Variants in ARAP2 observed in about 807,000 individuals in gnomAD.
ARAP2 encodes arf-GAP with Rho-GAP domain, ANK repeat and PH domain-containing protein 2.
A neutral mutation model predicts 194.5 loss-of-function variants in ARAP2; 148 were observed. The observed-to-expected ratio is 0.76, with a 90% CI of 0.67 to 0.87. The LOEUF (loss-of-function observed/expected upper bound fraction) is 0.87, where lower values mean the gene tolerates loss of function less well. Ranked by LOEUF, ARAP2 falls within the 40% of genes least tolerant of loss-of-function variation. The pLI is 0.00. For missense variants in ARAP2, 2,128 were observed against 1,989.7 expected, an observed-to-expected ratio of 1.07 and a Z score of -1.32; for synonymous variants, 695 against 683.5, an observed-to-expected ratio of 1.02 and a Z score of -0.26.
At chr4:36,222,724 A>AT (rs35821305) in intron 2 of ARAP2, among the ~76,000 whole-genome samples, 13 of 150,122 alleles carry the variant, frequency 8.7e-5, no homozygotes, top group East Asian at 1.9e-4. Context: ...CTATGGCAAG[A>AT]TTTTTTTTTT....
intron 27 of ARAP2, among the ~76,000 whole-genome samples, chr4:36,094,886 T>C (rs1714753806): frequency 6.6e-6 from 1 of 152,136 alleles, no homozygotes; most frequent in African/African-American, 2.4e-5. Context: ...GGCACACAGT[T>C]AAAGAGTGCT....
chr4:36,037,831 T>C (rs1183227170), intron 5 of ARAP2, among the ~76,000 whole-genome samples: 1 of 152,236 alleles, frequency 6.6e-6, no homozygotes, highest in Non-Finnish European at 1.5e-5. Flanking sequence ...TCAAGGTGAT[T>C]GTGAATCTCT....
intron 5 of ARAP2, among the ~76,000 whole-genome samples, chr4:36,028,466 A>G (rs1718316671): frequency 6.6e-6 from 1 of 151,888 alleles, no homozygotes; most frequent in African/African-American, 2.4e-5. Flanking sequence ...AGGCTTTCAC[A>G]TATATTTGTA....
In ARAP2 at chr4:36,010,240, T is replaced by C. The variant is rs145409113; in HGVS notation, n.1325+2323A>G. ...TATTGTATATGATATATAACTGATA[T>C]AGGTGAGCATTTTTAGAAAAAATAT... On this transcript the variant is annotated intron_variant and non_coding_transcript_variant, in intron 9 of 12. Transcript: ENST00000503225. Among the ~76,000 whole-genome samples, 481 of 151,494 alleles carry C rather than the reference T, an allele frequency of 3.2e-3. 20 individuals carry two copies. In the East Asian group the frequency reaches 0.084, roughly 27 times the overall value.
chr4:36,073,716 A>C lies in ARAP2; in HGVS notation c.4716T>G (p.Asn1572Lys), dbSNP rs749680148. The C allele has an allele frequency of 5.4e-5, 87 of 1,612,432 alleles. No homozygotes were observed. In the South Asian group the frequency reaches 8.3e-4, roughly 15 times the overall value. ...CAATATTTTTCCGGGCCAAGGTTGCATTCCCCTCATGCTGTATAGGAATCA... is the reference window on the plus strand; with the variant it reads ...CAATATTTTTCCGGGCCAAGGTTGCCTTCCCCTCATGCTGTATAGGAATCA... ...LPLIPIQHEG[N>K]ATLARKNIES... The change falls in exon 32 of 33, where the codon AAT becomes AAG. Residue 1572 changes from asparagine (N) to lysine (K), a missense_variant. Transcript: ENST00000303965.
In ARAP2 at chr4:36,055,310, T is replaced by A. The variant is rs75638412; in HGVS notation, n.321+2660A>T. Among the ~76,000 whole-genome samples, 1,377 of 152,316 alleles carry A rather than the reference T, an allele frequency of 9.0e-3. 8 individuals are homozygous for A. Among genetic ancestry groups the A allele is most frequent in the Non-Finnish European group, 0.012 (846 of 68,026 alleles). On this transcript the variant is annotated intron_variant and non_coding_transcript_variant, in intron 2 of 12. Coordinates refer to the ARAP2 transcript ENST00000503225. Reference sequence around the variant, plus strand: ...ATTTGGAATGTGTCCATATTGTTCTTTGCCCGTGAATGCACACTGTTTATT... The same window carrying A: ...ATTTGGAATGTGTCCATATTGTTCTATGCCCGTGAATGCACACTGTTTATT...
At chr4:36,129,472 T>C (rs548502513) in intron 20 of ARAP2, among the ~76,000 whole-genome samples, 246 of 152,068 alleles carry the variant, frequency 1.6e-3, no homozygotes, top group African/African-American at 5.6e-3. Flanking sequence ...ATCAATAATA[T>C]TAACAATGTT....
intron 5 of ARAP2, among the ~76,000 whole-genome samples, chr4:36,042,830 A>G (rs965824878): frequency 5.2e-5 from 7 of 134,974 alleles, no homozygotes; most frequent in African/African-American, 1.9e-4. Flanking sequence ...CCAATAAACA[A>G]ATGCGTTTTT....
intron 27 of ARAP2, among the ~76,000 whole-genome samples, chr4:36,095,438 CA>C (rs1334027244): frequency 6.6e-6 from 1 of 152,030 alleles, no homozygotes; most frequent in Non-Finnish European, 1.5e-5. Context: ...TGCCCAAAGA[CA>C]TAAAAATTAG....
At chr4:36,137,749 G>T (rs561983229) in intron 19 of ARAP2, among the ~76,000 whole-genome samples, 1 of 151,672 alleles carries the variant, frequency 6.6e-6, no homozygotes, top group Admixed American at 6.6e-5. Flanking sequence ...TACTAGCCTA[G>T]TTCATGAGCT....
At chr4:36,050,434 C>A (rs1487012572) in intron 3 of ARAP2, among the ~76,000 whole-genome samples, 1 of 152,074 alleles carries the variant, frequency 6.6e-6, no homozygotes, top group Admixed American at 6.6e-5. Context: ...GCACAAAAAC[C>A]TAGAAAAACG....
At chr4:36,013,844 TGAAA>T (rs1271475627) in intron 8 of ARAP2, among the ~76,000 whole-genome samples, 1 of 152,000 alleles carries the variant, frequency 6.6e-6, no homozygotes, top group Non-Finnish European at 1.5e-5. Flanking sequence ...TCTTAATGAG[TGAAA>T]GAGACAGCAG....
At chr4:36,043,832 AGGGGAGGGGAGGGGGGAGGGGAGGGGGG>A (rs1560311542) in intron 5 of ARAP2, among the ~76,000 whole-genome samples, 4 of 57,308 alleles carry the variant, frequency 7.0e-5, no homozygotes, top group Non-Finnish European at 9.9e-5. Context: ...AGGGAAGGGG[AGGGGAGGGGAGGGGGGAGGGGAGGGGGG>A]AGGGGAAGGG....
chr4:36,168,831 T>C (rs1370169123), intron 9 of ARAP2, among the ~76,000 whole-genome samples: 1 of 152,222 alleles, frequency 6.6e-6, no homozygotes, highest in African/African-American at 2.4e-5. Flanking sequence ...TACTTCCACT[T>C]TGTATAGTAA....
At chr4:36,200,091 A>G (rs1386659396) in intron 6 of ARAP2, among the ~76,000 whole-genome samples, 1 of 152,220 alleles carries the variant, frequency 6.6e-6, no homozygotes, top group Non-Finnish European at 1.5e-5. Context: ...ACCTAAATTC[A>G]TATAAACATT....
rs1319067179 is a variant in ARAP2 at position 36,073,981 on chromosome 4, T to G, written c.4609-158A>C. The stretch of plus-strand genomic sequence containing the variant: ...TATGATGTTGACTCTGGTGGCAGCA[T>G]CGCTCCAGGACATGAAACTCTTAAC... On this transcript the variant is annotated intron_variant, in intron 31 of 32. Transcript: ENST00000303965. 3 of 953,198 alleles carry G rather than the reference T, an allele frequency of 3.1e-6. No homozygotes were observed. In the African/African-American group the frequency reaches 4.9e-5, roughly 16 times the overall value. The allele number at this position is 953,198 out of a possible 1,614,324, so 59.0% of individuals were successfully genotyped here. A position where few individuals can be genotyped will look rare whatever the true frequency, so the allele number is the denominator to read the frequency against.
intron 27 of ARAP2, among the ~76,000 whole-genome samples, chr4:36,092,258 A>G (rs1474069226): frequency 1.3e-5 from 2 of 152,200 alleles, no homozygotes; most frequent in African/African-American, 4.8e-5. Context: ...TGGTTAGTAT[A>G]GGTTGAGAGG....
At chr4:36,033,040 T>C (rs1329445111) in intron 5 of ARAP2, among the ~76,000 whole-genome samples, 1 of 152,214 alleles carries the variant, frequency 6.6e-6, no homozygotes, top group East Asian at 1.9e-4. Flanking sequence ...TTCCACACTG[T>C]ATATGCACCA....
At chr4:36,144,535 T>G (rs1729154145) in intron 19 of ARAP2, among the ~76,000 whole-genome samples, 1 of 151,518 alleles carries the variant, frequency 6.6e-6, no homozygotes, top group South Asian at 2.1e-4. Flanking sequence ...ATCTAAGAAA[T>G]AAGTAAAAAT....
Sources: allele counts gnomAD v4.1 joint callset (sites outside exome capture counted in the v4.1 genomes callset), GRCh38; gene constraint gnomAD v4.1.1; transcripts MANE v1.5; gene names NCBI Gene and HGNC (gene_info 2026-07-23, HGNC 2026-07-21).